The following DOK3 variants were observed in gnomAD, a reference collection of about 807,000 sequenced individuals.
DOK3 encodes Dok-like protein.
In DOK3, 23 loss-of-function variants were observed where a neutral mutation model predicts 26.2. The ratio of observed to expected loss-of-function variants is 0.88; its 90% CI spans 0.63 to 1.24. DOK3 has a LOEUF of 1.24. Among genes scored for constraint, DOK3 ranks in the 50% most tolerant of loss-of-function variants. DOK3 has a pLI of 0.00. For missense variants in DOK3, 619 were observed against 610.6 expected, an observed-to-expected ratio of 1.01 and a Z score of -0.15; for synonymous variants, 268 against 268.2, an observed-to-expected ratio of 1.00 and a Z score of 0.01.
chr5:177,505,188 C>T, intron 3 of DOK3, 78 bp from the exon 4 acceptor site: 1 of 1,350,444 alleles, frequency 7.4e-7, no homozygotes, highest in Non-Finnish European at 1.0e-6. Flanking sequence ...TCCCAGAACT[C>T]CACAAGCCAG....
chr5:177,504,003 C>G lies in DOK3; in HGVS notation c.1303G>C (p.Ala435Pro). ...LLSRERRKGPAPCDRP is the reference protein window; with the variant it reads ...LLSRERRKGPPPCDRP ...GGCGTTCAGGGCCGGTCACAAGGGG[C>G]TGGGCCCTTCCTCCGCTCACGACTC... The change falls in exon 6 of 6, where the codon GCC becomes CCC. Residue 435 changes from alanine (A) to proline (P), a missense_variant. By Grantham distance (27) the Ala-to-Pro change is conservative. Transcript: ENST00000510898. 1 of 1,557,134 alleles carries G rather than the reference C, an allele frequency of 6.4e-7. No individual in the cohort carries two copies. The highest frequency in any genetic ancestry group is 8.7e-7 in the Non-Finnish European group (1 of 1,151,516).
Position 177,504,410 on chromosome 5 carries a change from AT to A in DOK3, c.895del (p.Met299CysfsTer15). ...PGPEPPTSRK[M>X]HLAEPGPQSL... ...CTGGGGTCCGGGCTCGGCCAGGTGC[AT>A]TTTCCTGGACGTGGGTGGCTCAGGT... On this transcript the variant is annotated frameshift_variant, in exon 6 of 6. Coordinates refer to ENST00000510898, the MANE Select transcript of DOK3 (RefSeq NM_001308236.3). LOFTEE classifies it low-confidence loss of function (END_TRUNC). 2 of 1,567,558 alleles carry A rather than the reference AT, an allele frequency of 1.3e-6. No individual in the cohort carries two copies. Among genetic ancestry groups the A allele is most frequent in the Non-Finnish European group, 1.7e-6 (2 of 1,156,562 alleles).
At position 177,503,558 on chromosome 5, in the gene DOK3, A is replaced by G. The variant is rs1321988906; in HGVS notation, c.*425T>C. 1.5e-6 allele frequency: 2 copies of G among 1,366,152 alleles called. No homozygotes were observed. The highest frequency in any genetic ancestry group is 2.9e-5 in the Admixed American group (1 of 34,612). 84.6% of individuals were successfully genotyped at this position (1,366,152 alleles called of 1,614,324 possible). On this transcript the variant is annotated 3_prime_UTR_variant, in exon 6 of 6. Coordinates refer to ENST00000510898, the MANE Select transcript of DOK3 (RefSeq NM_001308236.3). The stretch of plus-strand genomic sequence containing the variant: ...TTCCTGAGTCTGACAAGTAAGCCTC[A>G]CAGCTCCCTCCGCCTGCCTCTTCGT...
chr5:177,505,237 C>T (rs1480758489), intron 3 of DOK3, 127 bp from the exon 4 acceptor site: 2 of 828,302 alleles, frequency 2.4e-6, no homozygotes, highest in African/African-American at 1.7e-5. Context: ...CCAGCTTTGC[C>T]CGGCTCGCTG....
chr5:177,507,358 CG>C (rs1175380874), intron 3 of DOK3, among the ~76,000 whole-genome samples: 4 of 152,068 alleles, frequency 2.6e-5, no homozygotes, highest in Admixed American at 6.6e-5. Flanking sequence ...ATCTTGCGGA[CG>C]GACCACGTTT....
chr5:177,508,890 A>C, intron 2 of DOK3: 2 of 279,224 alleles, frequency 7.2e-6, no homozygotes, highest in East Asian at 6.2e-5. Context: ...CTCACCCCCA[A>C]AAAGGGGCAC....
At chr5:177,505,882 G>T (rs1276495958) in intron 3 of DOK3, among the ~76,000 whole-genome samples, 2 of 152,142 alleles carry the variant, frequency 1.3e-5, no homozygotes, top group African/African-American at 4.8e-5. Flanking sequence ...GACTACAGGT[G>T]CCCGCCACCA....
Position 177,502,300 on chromosome 5 carries a change from T to C in DOK3, c.*1683A>G, listed in dbSNP as rs1185198215. ...TAATCAACAACTCTTTTGAACAGTT[T>C]TTGCTGTGAAGAGGAACAGAGAAAC... On this transcript the variant is annotated 3_prime_UTR_variant, in exon 6 of 6. Coordinates refer to ENST00000510898, the MANE Select transcript of DOK3 (RefSeq NM_001308236.3). 1 of 152,176 alleles carries C rather than the reference T, an allele frequency of 6.6e-6. No homozygotes were observed. The allele number at this position is 152,176 out of a possible 1,614,324, so 9.4% of individuals were successfully genotyped here.
At position 177,506,509 on chromosome 5, in the gene DOK3, A is replaced by G. The variant is rs922544219; in HGVS notation, c.373-1399T>C. Among the ~76,000 whole-genome samples, 17 of 137,744 alleles carry G rather than the reference A, an allele frequency of 1.2e-4. No homozygotes were observed. In the East Asian group the frequency reaches 1.6e-3, roughly 13 times the overall value. The allele number at this position is 137,744 out of a possible 152,430, so 90.4% of individuals were successfully genotyped here. A position where few individuals can be genotyped will look rare whatever the true frequency, so the allele number is the denominator to read the frequency against. On this transcript the variant is annotated intron_variant, in intron 3 of 5. Transcript: ENST00000510898. ...CCACCACACCCAGCTAATTTTTGTA[A>G]TTTTTTTTTAGTAGAGATAGGGTTT...
chr5:177,505,523 G>C (rs1246074607), intron 3 of DOK3, among the ~76,000 whole-genome samples: 2 of 152,130 alleles, frequency 1.3e-5, no homozygotes, highest in African/African-American at 4.8e-5. Context: ...CCCACACCCA[G>C]GCCTTCAGCA....
intron 2 of DOK3, chr5:177,508,956 A>C (rs1760614738): frequency 4.6e-6 from 1 of 215,726 alleles, no homozygotes; most frequent in South Asian, 1.5e-4. Context: ...CAAGCTGTTA[A>C]GGAAGGAAAC....
chr5:177,508,596 C>A lies in DOK3; in HGVS notation c.67-54G>T, dbSNP rs551922094. 3.8e-5 allele frequency: 56 copies of A among 1,457,788 alleles called. No homozygotes were observed. In the South Asian group the frequency reaches 4.7e-4, roughly 12 times the overall value. 90.3% of individuals were successfully genotyped at this position (1,457,788 alleles called of 1,614,324 possible). A position where few individuals can be genotyped will look rare whatever the true frequency, so the allele number is the denominator to read the frequency against. ...CCCTTGGGTGGCAGATTGTCCGTGC[C>A]ACTTGGCTCAGCACAAGCTGCTCGG... On this transcript the variant is annotated intron_variant, in intron 2 of 5. Coordinates refer to ENST00000510898, the MANE Select transcript of DOK3 (RefSeq NM_001308236.3).
In DOK3 at chr5:177,508,506, C is replaced by T. The variant is rs1323978925; in HGVS notation, c.103G>A (p.Gly35Arg). 1 of 1,581,942 alleles carries T rather than the reference C, an allele frequency of 6.3e-7. No individual in the cohort carries two copies. The highest frequency in any genetic ancestry group is 8.6e-7 in the Non-Finnish European group (1 of 1,163,222). ...WRKVWALLYA[G>R]GPSGVARLES... Reference sequence around the variant, plus strand: ...AGCCGTGCCACGCCTGATGGGCCTCCTGCATACAGCAGAGCCCACACCTTC... The same window carrying T: ...AGCCGTGCCACGCCTGATGGGCCTCTTGCATACAGCAGAGCCCACACCTTC... The change falls in exon 3 of 6, where the codon GGA (glycine) becomes AGA (arginine). Residue 35 changes from glycine to arginine, a missense_variant. By Grantham distance (125) the Gly-to-Arg change is moderately radical. Transcript: ENST00000510898.
At chr5:177,510,033 G>T, upstream of DOK3, 1 of 789,436 alleles carries the variant, frequency 1.3e-6, no homozygotes, top group Non-Finnish European at 2.0e-6. Context: ...TCTCTCTCGT[G>T]TTCACCTGCT....
rs548902891 is a variant in DOK3, at chr5:177,508,086, C to A, written c.372+151G>T. Reference sequence around the variant, plus strand: ...CTGGCGGTCCATTTTCTCCATGGCACGCACGGCCCTCTGAGAGTCATTATA... The same window carrying A: ...CTGGCGGTCCATTTTCTCCATGGCAAGCACGGCCCTCTGAGAGTCATTATA... On this transcript the variant is annotated intron_variant, in intron 3 of 5. Coordinates refer to ENST00000510898, the MANE Select transcript of DOK3 (RefSeq NM_001308236.3). 81 of 1,051,470 alleles carry A rather than the reference C, an allele frequency of 7.7e-5. No individual in the cohort carries two copies. In the African/African-American group the frequency reaches 9.3e-4, roughly 12 times the overall value. The allele number at this position is 1,051,470 out of a possible 1,614,324, so 65.1% of individuals were successfully genotyped here.
exon 1 of DOK3, chr5:177,509,816 CACGCGCGTCTGATCG>C: frequency 6.2e-7 from 1 of 1,611,576 alleles, no homozygotes; most frequent in Non-Finnish European, 8.5e-7. Context: ...TTCAGCTGGG[CACGCGCGTCTGATCG>C]CAGTCTGGCT....
intron 3 of DOK3, among the ~76,000 whole-genome samples, chr5:177,506,004 C>A (rs1760107472): frequency 6.6e-6 from 1 of 151,142 alleles, no homozygotes; most frequent in Admixed American, 6.6e-5. Context: ...TCCCAAAGTG[C>A]TGGGATTACA....
chr5:177,509,480 C>G lies in DOK3; in HGVS notation c.61G>C (p.Gly21Arg). ...GILYQQHVKFGKKCWRKVWAL... is the reference protein window; with the variant it reads ...GILYQQHVKFRKKCWRKVWAL... ...TGGCAGCCAGGGGTCCCCACCTTGC[C>G]AAACTTGACATGCTGCTGGTAGAGG... The change falls in exon 2 of 6, where the codon GGC (glycine) becomes CGC (arginine). Residue 21 changes from glycine (G) to arginine (R), a missense_variant. Physicochemically the swap from Gly to Arg is moderately radical, Grantham distance 125 (BLOSUM62 -2). Transcript: ENST00000510898. 1.2e-6 allele frequency: 2 copies of G among 1,608,372 alleles called. No individual in the cohort carries two copies. The highest frequency in any genetic ancestry group is 3.3e-4 in the Middle Eastern group (2 of 6,034).
rs1487612624 is a variant in DOK3 at position 177,502,868 on chromosome 5, G to A, written c.*1115C>T. 1.5e-5 allele frequency: 9 copies of A among 602,442 alleles called. No homozygotes were observed. Among genetic ancestry groups the A allele is most frequent in the Non-Finnish European group, 2.6e-5 (9 of 343,328 alleles). The allele number at this position is 602,442 out of a possible 1,614,324, so 37.3% of individuals were successfully genotyped here. On this transcript the variant is annotated 3_prime_UTR_variant, in exon 6 of 6. Coordinates refer to ENST00000510898, the MANE Select transcript of DOK3 (RefSeq NM_001308236.3). ...GGGGGAAGGGACTATGGAGAACAAA[G>A]AGGGGATGGTGGGCAGAGGCCTCGA...
Sources: gnomAD v4.1 joint callset for allele counts (sites outside exome capture counted in the v4.1 genomes callset) on GRCh38, gnomAD v4.1.1 for gene constraint, MANE v1.5 for transcripts, NCBI Gene and HGNC (gene_info 2026-07-23, HGNC 2026-07-21) for gene names.